SLC28A3: variants seen among roughly 807,000 people sequenced by gnomAD.
The protein encoded by SLC28A3 is solute carrier family 28 member 3.
A neutral mutation model predicts 84.2 loss-of-function variants in SLC28A3; 68 were observed. The observed-to-expected ratio is 0.81, with a 90% CI of 0.66 to 0.99. The LOEUF (loss-of-function observed/expected upper bound fraction) is 0.99. SLC28A3 is among the 50% of genes least tolerant of loss of function. The pLI is 0.00. For missense variants in SLC28A3, 712 were observed against 841.5 expected, an observed-to-expected ratio of 0.85 and a Z score of 1.90; for synonymous variants, 267 against 303.6, an observed-to-expected ratio of 0.88 and a Z score of 1.25.
intron 1 of SLC28A3, among the ~76,000 whole-genome samples, chr9:84,338,705 C>T (rs1163963962): frequency 6.6e-6 from 1 of 152,174 alleles, no homozygotes; most frequent in Non-Finnish European, 1.5e-5. Context: ...TTCTTGCTGC[C>T]ATACTTCCTC....
chr9:84,286,553 C>A (rs1180982512), intron 12 of SLC28A3, among the ~76,000 whole-genome samples: 1 of 149,556 alleles, frequency 6.7e-6, no homozygotes, highest in Admixed American at 6.7e-5. Flanking sequence ...TCCAGAGTCT[C>A]TGGGTAACTT....
chr9:84,342,959 C>T (rs1160284831), upstream of SLC28A3, among the ~76,000 whole-genome samples: 2 of 151,994 alleles, frequency 1.3e-5, no homozygotes, highest in African/African-American at 2.4e-5. Context: ...GTCAGGAATT[C>T]GAGACCAGCC....
intron 10 of SLC28A3, among the ~76,000 whole-genome samples, chr9:84,291,359 A>G (rs1381678662): frequency 6.6e-6 from 1 of 152,108 alleles, no homozygotes; most frequent in Admixed American, 6.5e-5. Context: ...TTTTTGAGAC[A>G]GAGTTTTGCT....
chr9:84,313,154 T>TA (rs770313489), intron 2 of SLC28A3, among the ~76,000 whole-genome samples: 23 of 152,246 alleles, frequency 1.5e-4, no homozygotes, highest in Non-Finnish European at 2.9e-4. Context: ...CAGGGAACTC[T>TA]GAGGACAGGT....
chr9:84,292,783 C>T (rs1162128853), intron 9 of SLC28A3, 35 bp from the exon 10 acceptor site: 2 of 1,466,958 alleles, frequency 1.4e-6, no homozygotes, highest in East Asian at 2.5e-5. Flanking sequence ...CAGCAAAGAA[C>T]TTTTTGTATA....
At chr9:84,314,917 A>G (rs1177238636) in intron 1 of SLC28A3, among the ~76,000 whole-genome samples, 1 of 152,178 alleles carries the variant, frequency 6.6e-6, no homozygotes, top group African/African-American at 2.4e-5. Flanking sequence ...TCTCTACTAA[A>G]AATACAAACA....
chr9:84,321,099 A>G (rs1826360733), intron 1 of SLC28A3, among the ~76,000 whole-genome samples: 1 of 152,208 alleles, frequency 6.6e-6, no homozygotes, highest in Non-Finnish European at 1.5e-5. Context: ...AACAAAGTCC[A>G]CTGTGTTTGA....
chr9:84,332,167 T>C (rs1332265011), intron 1 of SLC28A3, among the ~76,000 whole-genome samples: 1 of 152,184 alleles, frequency 6.6e-6, no homozygotes, highest in Non-Finnish European at 1.5e-5. Context: ...TAGAGCATAA[T>C]ACCCTGTTGT....
intron 1 of SLC28A3, among the ~76,000 whole-genome samples, chr9:84,339,366 C>T (rs914183182): frequency 2.6e-4 from 40 of 152,236 alleles, no homozygotes; most frequent in East Asian, 7.8e-4. Flanking sequence ...TCTCCTGCCT[C>T]GGCCTCCCGA....
the SLC28A3 span, among the ~76,000 whole-genome samples, chr9:84,360,734 A>G: frequency 4.6e-5 from 7 of 151,344 alleles, no homozygotes; most frequent in African/African-American, 1.5e-4. Flanking sequence ...TCTGGGCAAC[A>G]TAGTGAGACC....
intron 8 of SLC28A3, among the ~76,000 whole-genome samples, chr9:84,294,930 G>A (rs1825358842): frequency 6.6e-6 from 1 of 152,158 alleles, no homozygotes; most frequent in African/African-American, 2.4e-5. Flanking sequence ...CTTTGTTTTG[G>A]GTTAAATGAA....
intron 15 of SLC28A3, 96 bp from the exon 16 acceptor site, chr9:84,280,169 G>T: frequency 9.1e-7 from 1 of 1,098,356 alleles, no homozygotes; most frequent in Non-Finnish European, 1.3e-6. Context: ...GCTCAGGTCA[G>T]CTGACTTTTT....
At position 84,278,064 on chromosome 9, in the gene SLC28A3, G is replaced by A. The variant is rs1824587477; in HGVS notation, c.*154C>T. 1 of 995,134 alleles carries A rather than the reference G, an allele frequency of 1.0e-6. No homozygotes were observed. Among genetic ancestry groups the A allele is most frequent in the African/African-American group, 1.6e-5 (1 of 61,550 alleles). The allele number at this position is 995,134 out of a possible 1,614,324, so 61.6% of individuals were successfully genotyped here. On this transcript the variant is annotated 3_prime_UTR_variant, in exon 18 of 18. Coordinates refer to ENST00000376238, the MANE Select transcript of SLC28A3 (RefSeq NM_001199633.2). ...GGGAGGAGGAAAATGTTGTAGCTTT[G>A]AAGGTCCACTCTTGTTTTTCTTCAT...
At chr9:84,340,789 T>A, upstream of SLC28A3, 1 of 693,924 alleles carries the variant, frequency 1.4e-6, no homozygotes, top group Non-Finnish European at 2.4e-6. Context: ...CCTGAATGAC[T>A]AGGGCTGACA....
chr9:84,358,018 C>T, the SLC28A3 span, among the ~76,000 whole-genome samples: 5 of 152,280 alleles, frequency 3.3e-5, no homozygotes, highest in African/African-American at 1.2e-4. Flanking sequence ...TCATTGATTC[C>T]CCTATTACGA....
chr9:84,319,162 T>C (rs1451422328), intron 1 of SLC28A3, among the ~76,000 whole-genome samples: 5 of 152,162 alleles, frequency 3.3e-5, no homozygotes, highest in Admixed American at 2.6e-4. Context: ...CTACTTCAGG[T>C]CACGCTGGGC....
chr9:84,297,243 T>C lies in SLC28A3; in HGVS notation c.839A>G (p.Lys280Arg), dbSNP rs1231164604. ...TACCTTAAATGCAAAGAAGTGGTCT[T>C]TGTATTTCTCACCAAAGACAAATGA... ...GASFVFGEKY[K>R]DHFFAFKVLP... Residue 280 changes from lysine to arginine, a missense_variant, in exon 8 of 18, where the codon AAA (lysine) becomes AGA (arginine). Lys to Arg is a conservative substitution (Grantham distance 26). Transcript: ENST00000376238. The C allele has an allele frequency of 2.5e-6, 4 of 1,613,682 alleles. No individual in the cohort carries two copies. In the East Asian group the frequency reaches 6.7e-5, roughly 27 times the overall value.
the SLC28A3 span, among the ~76,000 whole-genome samples, chr9:84,349,279 G>A: frequency 4.6e-4 from 70 of 152,306 alleles, no homozygotes; most frequent in African/African-American, 1.4e-3. Flanking sequence ...ATGTATAAGC[G>A]CAGGTCCCTG....
chr9:84,300,592 G>A (rs1052224233), intron 5 of SLC28A3, among the ~76,000 whole-genome samples: 1 of 152,194 alleles, frequency 6.6e-6, no homozygotes, highest in Non-Finnish European at 1.5e-5. Flanking sequence ...AGTTTAATAG[G>A]CCAAGGATGT....
Sources: allele counts gnomAD v4.1 joint callset (sites outside exome capture counted in the v4.1 genomes callset), GRCh38; gene constraint gnomAD v4.1.1; transcripts MANE v1.5; gene names NCBI Gene and HGNC (gene_info 2026-07-23, HGNC 2026-07-21).